The following KIAA1217 variants were observed in gnomAD, a reference collection of about 807,000 sequenced individuals.
The protein encoded by KIAA1217 is sickle tail protein homolog.
KIAA1217 carries 88 observed loss-of-function variants against 163.9 expected under a neutral mutation model. That is an observed-to-expected ratio of 0.54 (90% confidence interval 0.45 to 0.64). KIAA1217 has a LOEUF of 0.64. KIAA1217 is among the 30% of genes least tolerant of loss of function. The probability of loss-of-function intolerance (pLI) is 0.00; values close to 1 mark genes in which losing one functional copy is unlikely to be tolerated. For missense variants in KIAA1217, 2,372 were observed against 2,475.0 expected (o/e 0.96, Z 0.88); for synonymous variants, 903 against 923.1 (o/e 0.98, Z 0.39).
At position 23,705,631 on chromosome 10, in the gene KIAA1217, G is replaced by A. The variant is rs1398484506; in HGVS notation, c.-321+10397G>A. The stretch of plus-strand genomic sequence containing the variant: ...TTTTATGCCAGTACCACATTATCTT[G>A]GATACTGTAGCTTTGAAATAAGTTT... On this transcript the variant is annotated intron_variant, in intron 1 of 18. Coordinates refer to the KIAA1217 transcript ENST00000376462. Among the ~76,000 whole-genome samples, 3 of 152,000 alleles carry A rather than the reference G, an allele frequency of 2.0e-5. No homozygotes were observed. In the East Asian group the frequency reaches 5.8e-4, roughly 29 times the overall value.
At chr10:24,084,929 T>A (rs1281299283) in intron 2 of KIAA1217, among the ~76,000 whole-genome samples, 2 of 149,886 alleles carry the variant, frequency 1.3e-5, no homozygotes, top group African/African-American at 4.9e-5. Flanking sequence ...TTTTTTTTTT[T>A]TTGAGACGGA....
chr10:23,970,112 G>A (rs1468240351), intron 1 of KIAA1217, among the ~76,000 whole-genome samples: 1 of 152,172 alleles, frequency 6.6e-6, no homozygotes, highest in Admixed American at 6.5e-5. Context: ...AGTTCAAGAT[G>A]AGGTTTGGGT....
At chr10:24,292,637 A>G (rs1453553663) in intron 2 of KIAA1217, among the ~76,000 whole-genome samples, 1 of 152,184 alleles carries the variant, frequency 6.6e-6, no homozygotes, top group Non-Finnish European at 1.5e-5. Context: ...ATGGAATTAC[A>G]TTTATAGCTA....
At chr10:24,306,890 T>G (rs1280110869) in intron 2 of KIAA1217, among the ~76,000 whole-genome samples, 1 of 152,244 alleles carries the variant, frequency 6.6e-6, no homozygotes, top group African/African-American at 2.4e-5. Flanking sequence ...TCTTCACCTC[T>G]TGATCACTTG....
At chr10:23,918,335 A>G (rs540658393) in intron 1 of KIAA1217, among the ~76,000 whole-genome samples, 1 of 152,204 alleles carries the variant, frequency 6.6e-6, no homozygotes, top group Admixed American at 6.5e-5. Flanking sequence ...CAAGCAAAAC[A>G]AGAGGCTAAT....
At chr10:23,710,999 T>C (rs1276819894) in intron 1 of KIAA1217, among the ~76,000 whole-genome samples, 1 of 152,188 alleles carries the variant, frequency 6.6e-6, no homozygotes, top group Admixed American at 6.5e-5. Flanking sequence ...TATTAAAATA[T>C]TTGCTTTAGG....
At chr10:24,374,035 T>A (rs1008828977) in intron 2 of KIAA1217, among the ~76,000 whole-genome samples, 4 of 152,200 alleles carry the variant, frequency 2.6e-5, no homozygotes, top group African/African-American at 9.6e-5. Flanking sequence ...GTGAAAATCA[T>A]GAATAACGTC....
intron 2 of KIAA1217, among the ~76,000 whole-genome samples, chr10:24,173,755 T>C (rs1295045313): frequency 1.3e-5 from 2 of 152,254 alleles, no homozygotes; most frequent in Non-Finnish European, 2.9e-5. Context: ...CCATAGGAAA[T>C]ACTTAACAGT....
chr10:24,531,750 T>G, intron 14 of KIAA1217, 80 bp from the exon 15 acceptor site: 1 of 1,346,874 alleles, frequency 7.4e-7, no homozygotes, highest in Non-Finnish European at 9.9e-7. Flanking sequence ...CAGATTGCAT[T>G]GGGTTTGTAG....
In KIAA1217 at chr10:24,354,859, C is replaced by T. The variant is rs188032974; in HGVS notation, c.355-26010C>T. 1.2e-3 allele frequency among the ~76,000 whole-genome samples: 178 copies of T among 150,830 alleles called. 2 individuals carry two copies. The East Asian group carries it at 0.029, about 24-fold the overall frequency. ...AAAAGGCAACATTTGGGCACAAAAACAGGAATGCCCGTTCCCATTTAGGGC... is the reference window on the plus strand; with the variant it reads ...AAAAGGCAACATTTGGGCACAAAAATAGGAATGCCCGTTCCCATTTAGGGC... On this transcript the variant is annotated intron_variant, in intron 2 of 20. Transcript: ENST00000376454.
intron 5 of KIAA1217, chr10:24,466,486 G>T (rs2062955577): frequency 1.0e-6 from 1 of 983,330 alleles, no homozygotes; most frequent in Admixed American, 6.1e-5. Context: ...TAATTTCCAA[G>T]GGGAGGAGAA....
chr10:23,765,206 T>C, intron 1 of KIAA1217, among the ~76,000 whole-genome samples: 1 of 138,322 alleles, frequency 7.2e-6, no homozygotes, highest in South Asian at 2.4e-4. Flanking sequence ...TTTTTTTTTT[T>C]TTTTTTGAGA....
rs533300092 is a variant in KIAA1217 at position 23,733,090 on chromosome 10, A to G, written c.-321+37856A>G. Reference sequence around the variant, plus strand: ...GTGCAGTGGCGCGATCTCAGTTCACAGCACCATTCACCTCCCAGGTTCAAG... The same window carrying G: ...GTGCAGTGGCGCGATCTCAGTTCACGGCACCATTCACCTCCCAGGTTCAAG... On this transcript the variant is annotated intron_variant, in intron 1 of 18. Coordinates refer to the KIAA1217 transcript ENST00000376462. Among the ~76,000 whole-genome samples the G allele has an allele frequency of 7.6e-4, 116 of 151,804 alleles. 1 individual carries two copies. Among genetic ancestry groups the G allele is most frequent in the African/African-American group, 2.0e-3 (84 of 41,410 alleles).
intron 1 of KIAA1217, among the ~76,000 whole-genome samples, chr10:24,002,066 A>ACTGCC (rs1220516425): frequency 1.3e-5 from 2 of 152,178 alleles, no homozygotes; most frequent in African/African-American, 4.8e-5. Context: ...AGGCTGGGAA[A>ACTGCC]AGAAACCAAG....
At chr10:24,175,029 T>TC (rs1285513002) in intron 2 of KIAA1217, among the ~76,000 whole-genome samples, 1 of 151,486 alleles carries the variant, frequency 6.6e-6, no homozygotes, top group Non-Finnish European at 1.5e-5. Context: ...GCTAATTTTT[T>TC]TTTTTTATTT....
At chr10:24,352,597 T>G (rs2048593316) in intron 2 of KIAA1217, among the ~76,000 whole-genome samples, 1 of 152,196 alleles carries the variant, frequency 6.6e-6, no homozygotes, top group Non-Finnish European at 1.5e-5. Context: ...AAGGTTATTC[T>G]TGCTCAGTAA....
intron 2 of KIAA1217, among the ~76,000 whole-genome samples, chr10:24,276,168 C>G (rs542170782): frequency 6.6e-6 from 1 of 152,284 alleles, no homozygotes; most frequent in South Asian, 2.1e-4. Context: ...CATTTCATAT[C>G]ATTTTACGTG....
chr10:24,421,285 C>T lies in KIAA1217; in HGVS notation c.554-11710C>T, dbSNP rs531541963. Among the ~76,000 whole-genome samples, 44 of 152,280 alleles carry T rather than the reference C, an allele frequency of 2.9e-4. No homozygotes were observed. The East Asian group carries it at 3.1e-3, about 11-fold the overall frequency. On this transcript the variant is annotated intron_variant, in intron 3 of 20. Coordinates refer to ENST00000376454, the MANE Select transcript of KIAA1217 (RefSeq NM_019590.5). ...CCTTCCAGAGTGCTGGGATTACAGACGTGAACCATCATGCCTGGCTGTAAG... is the reference window on the plus strand; with the variant it reads ...CCTTCCAGAGTGCTGGGATTACAGATGTGAACCATCATGCCTGGCTGTAAG...
chr10:24,405,494 A>G (rs2057109728), intron 3 of KIAA1217, among the ~76,000 whole-genome samples: 1 of 152,214 alleles, frequency 6.6e-6, no homozygotes, highest in Non-Finnish European at 1.5e-5. Flanking sequence ...CAGAAACAAT[A>G]AAAGACCAGA....
Sources: gnomAD v4.1 joint callset for allele counts (sites outside exome capture counted in the v4.1 genomes callset) on GRCh38, gnomAD v4.1.1 for gene constraint, MANE v1.5 for transcripts, NCBI Gene and HGNC (gene_info 2026-07-23, HGNC 2026-07-21) for gene names.